The following DMXL1 variants were observed in gnomAD, a reference collection of about 807,000 sequenced individuals.
DMXL1 encodes the protein Dmx like 1, also known as dmX-like protein 1.
In DMXL1, 99 loss-of-function variants were observed where a neutral mutation model predicts 319.2. The observed-to-expected ratio is 0.31, with a 90% CI of 0.26 to 0.37. The LOEUF (loss-of-function observed/expected upper bound fraction) is 0.37. Ranked by LOEUF, DMXL1 falls within the 10% of genes least tolerant of loss-of-function variation. The probability of loss-of-function intolerance (pLI) is 1.00; values close to 1 mark genes in which losing one functional copy is unlikely to be tolerated. For synonymous variants in DMXL1, 1,385 were observed against 1,235.2 expected, an observed-to-expected ratio of 1.12 and a Z score of -2.54; for missense variants, 3,745 against 3,595.6, an observed-to-expected ratio of 1.04 and a Z score of -1.06.
chr5:119,167,985 A>G, intron 23 of DMXL1, 121 bp downstream of exon 23: 1 of 958,506 alleles, frequency 1.0e-6, no homozygotes, highest in Non-Finnish European at 1.4e-6. Flanking sequence ...TCTTTATAAC[A>G]GTTTTTGGTT....
In DMXL1 at chr5:119,167,595, T is replaced by G; in HGVS notation, c.5137-8T>G. ...CTGCTTATTTAAAAACAATATTTTT[T>G]TTTAAAGGTATGTCTTGAGAAATTG... On this transcript the variant is annotated splice_polypyrimidine_tract_variant and splice_region_variant and intron_variant, in intron 22 of 43. Transcript: ENST00000539542. The G allele has an allele frequency of 6.5e-7, 1 of 1,549,654 alleles. No homozygotes were observed. Among genetic ancestry groups the G allele is most frequent in the Non-Finnish European group, 8.7e-7 (1 of 1,149,166 alleles).
chr5:119,122,073 T>C (rs1325734262), intron 9 of DMXL1, among the ~76,000 whole-genome samples: 3 of 138,668 alleles, frequency 2.2e-5, no homozygotes, highest in Non-Finnish European at 4.7e-5. Flanking sequence ...TCGGGGCGGC[T>C]GGCCGGGCGG....
chr5:119,247,920 A>C lies in DMXL1; in HGVS notation c.*701A>C, dbSNP rs964135106. On this transcript the variant is annotated 3_prime_UTR_variant, in exon 44 of 44. Transcript: ENST00000539542. ...GTGCCATAACAACTATTGCCACCAG[A>C]ATAACTTTTTTTTTGCAACTGTGCT... 5.1e-4 allele frequency: 12 copies of C among 23,428 alleles called. No homozygotes were observed. The highest frequency in any genetic ancestry group is 8.8e-4 in the Non-Finnish European group (8 of 9,126). 1.5% of individuals were successfully genotyped at this position (23,428 alleles called of 1,614,324 possible).
intron 20 of DMXL1, among the ~76,000 whole-genome samples, 185 bp downstream of exon 20, chr5:119,164,861 A>C (rs1339438468): frequency 2.0e-5 from 3 of 152,190 alleles, no homozygotes; most frequent in Non-Finnish European, 2.9e-5. Flanking sequence ...GTATATTCTA[A>C]TTCCCAAGTT....
chr5:119,150,100 A>G lies in DMXL1; in HGVS notation c.4273A>G (p.Lys1425Glu). Reference sequence around the variant, plus strand: ...TGATAGCTGTTACTCATCTTTGGAGAAATCTAGTAATGAGAGTACGTTAAG... The same window carrying G: ...TGATAGCTGTTACTCATCTTTGGAGGAATCTAGTAATGAGAGTACGTTAAG... ...DDDSCYSSLEKSSNESTLSKS... is the reference protein window; with the variant it reads ...DDDSCYSSLEESSNESTLSKS... The change falls in exon 18 of 44, where the codon AAA becomes GAA. Residue 1425 changes from lysine (K) to glutamate (E), a missense_variant. Transcript: ENST00000539542. The G allele has an allele frequency of 6.2e-7, 1 of 1,613,830 alleles. No homozygotes were observed. Among genetic ancestry groups the G allele is most frequent in the Non-Finnish European group, 8.5e-7 (1 of 1,179,898 alleles).
At chr5:119,076,890 G>A (rs758787274) in intron 1 of DMXL1, among the ~76,000 whole-genome samples, 2 of 152,102 alleles carry the variant, frequency 1.3e-5, no homozygotes, top group Non-Finnish European at 2.9e-5. Context: ...CCTGTGCATC[G>A]TGTTTATTCT....
intron 34 of DMXL1, among the ~76,000 whole-genome samples, chr5:119,208,326 G>T (rs1561877588): frequency 6.6e-6 from 1 of 150,744 alleles, no homozygotes; most frequent in African/African-American, 2.4e-5. Flanking sequence ...CGATTCTCCT[G>T]CCTCAGCCTC....
At chr5:119,123,172 G>T (rs963601741) in intron 9 of DMXL1, among the ~76,000 whole-genome samples, 1 of 151,918 alleles carries the variant, frequency 6.6e-6, no homozygotes, top group African/African-American at 2.4e-5. Context: ...GCGTAGCGGC[G>T]CGCGCCTGCA....
At chr5:119,125,059 A>G (rs1763215661) in intron 9 of DMXL1, among the ~76,000 whole-genome samples, 1 of 152,204 alleles carries the variant, frequency 6.6e-6, no homozygotes, top group African/African-American at 2.4e-5. Context: ...CTCCTTTGCA[A>G]TAGATACATT....
At chr5:119,147,056 C>T (rs1768716221) in intron 16 of DMXL1, 100 bp downstream of exon 16, 2 of 1,358,040 alleles carry the variant, frequency 1.5e-6, no homozygotes, top group Non-Finnish European at 1.0e-6. Context: ...AAGCCATTCT[C>T]ATTAAATGGT....
chr5:119,075,241 C>CTT (rs201088042), intron 1 of DMXL1, among the ~76,000 whole-genome samples: 2 of 122,670 alleles, frequency 1.6e-5, no homozygotes, highest in South Asian at 2.6e-4. Context: ...CTTTTTTTTT[C>CTT]TTTTTTTTTT....
chr5:119,196,302 C>A, intron 30 of DMXL1, 69 bp from the exon 31 acceptor site: 1 of 1,218,338 alleles, frequency 8.2e-7, no homozygotes, highest in South Asian at 1.2e-5. Context: ...TTTGTTGAGT[C>A]AAAGGGTAGT....
At chr5:119,165,652 G>C (rs1483470120) in intron 21 of DMXL1, among the ~76,000 whole-genome samples, 1 of 152,196 alleles carries the variant, frequency 6.6e-6, no homozygotes, top group African/African-American at 2.4e-5. Flanking sequence ...ACAGTTCCAC[G>C]TGGCTGGGAA....
chr5:119,097,886 T>C, intron 1 of DMXL1, 93 bp from the exon 2 acceptor site: 3 of 1,145,278 alleles, frequency 2.6e-6, no homozygotes, highest in Admixed American at 3.0e-5. Context: ...ACATTTATTC[T>C]CCCTGCCTTA....
chr5:119,216,409 AT>A (rs1215258771), intron 34 of DMXL1, among the ~76,000 whole-genome samples: 5 of 152,194 alleles, frequency 3.3e-5, no homozygotes, highest in African/African-American at 1.2e-4. Flanking sequence ...AACTACAGCC[AT>A]CTGGCCAAAT....
At chr5:119,077,848 T>C (rs1751328731) in intron 1 of DMXL1, among the ~76,000 whole-genome samples, 1 of 140,358 alleles carries the variant, frequency 7.1e-6, no homozygotes, top group African/African-American at 2.7e-5. Context: ...CGTGTGTGTG[T>C]GTGTATATAT....
At position 119,118,921 on chromosome 5, in the gene DMXL1, A is replaced by G. The variant is rs560633408; in HGVS notation, c.850A>G (p.Ser284Gly). The G allele has an allele frequency of 6.2e-6, 10 of 1,613,980 alleles. No homozygotes were observed. In the African/African-American group the frequency reaches 1.2e-4, roughly 19 times the overall value. Residue 284 changes from serine to glycine, a missense_variant, in exon 8 of 44, where the codon AGC (serine) becomes GGC (glycine). Ser to Gly is a moderately conservative substitution (Grantham distance 56). Coordinates refer to ENST00000539542, the MANE Select transcript of DMXL1 (RefSeq NM_001290321.3). ...NDCLLYGGDC[S>G]HWTESINLTN... Reference sequence around the variant, plus strand: ...TTGTTTGCTATACGGAGGTGACTGCAGCCATTGGACTGAATCAATTAATTT... The same window carrying G: ...TTGTTTGCTATACGGAGGTGACTGCGGCCATTGGACTGAATCAATTAATTT...
chr5:119,189,805 A>C lies in DMXL1; in HGVS notation c.7233A>C (p.Ala2411=). Reference sequence around the variant, plus strand: ...CTGCCCCACTGACCCCTTCCTCGGCACCAGTAAGCCAGGAGTCACTGGCGG... The same window carrying C: ...CTGCCCCACTGACCCCTTCCTCGGCCCCAGTAAGCCAGGAGTCACTGGCGG... The part of the protein sequence containing the change: ...RESAPLTPSS[A]PVSQESLAVK... The change falls in exon 29 of 44, where the codon GCA becomes GCC. Residue 2411 remains alanine (A), a synonymous_variant. Coordinates refer to ENST00000539542, the MANE Select transcript of DMXL1 (RefSeq NM_001290321.3). The C allele has an allele frequency of 6.2e-7, 1 of 1,614,134 alleles. No individual in the cohort carries two copies. The highest frequency in any genetic ancestry group is 8.5e-7 in the Non-Finnish European group (1 of 1,179,994).
chr5:119,178,371 C>T lies in DMXL1; in HGVS notation c.7135+127C>T, dbSNP rs1776211386. The T allele has an allele frequency of 2.4e-5, 26 of 1,087,504 alleles. 1 individual carries two copies. The South Asian group carries it at 4.4e-4, about 19-fold the overall frequency. The allele number at this position is 1,087,504 out of a possible 1,614,324, so 67.4% of individuals were successfully genotyped here. On this transcript the variant is annotated intron_variant, in intron 28 of 43. Coordinates refer to ENST00000539542, the MANE Select transcript of DMXL1 (RefSeq NM_001290321.3). Reference sequence around the variant, plus strand: ...AGAGACCATTTGCGAAAAGCATAAACAAATAGTCATACAGTGAAAATGCAG... The same window carrying T: ...AGAGACCATTTGCGAAAAGCATAAATAAATAGTCATACAGTGAAAATGCAG...
Sources: gnomAD v4.1 joint callset for allele counts (sites outside exome capture counted in the v4.1 genomes callset) on GRCh38, gnomAD v4.1.1 for gene constraint, MANE v1.5 for transcripts, NCBI Gene and HGNC (gene_info 2026-07-23, HGNC 2026-07-21) for gene names.